SOX5: variants seen among roughly 807,000 people sequenced by gnomAD.
SOX5 encodes the protein SRY-box transcription factor 5, also known as transcription factor SOX-5.
Under a neutral mutation model 92.0 loss-of-function variants are expected in SOX5, and 9 were observed. That is an observed-to-expected ratio of 0.10 (90% CI 0.06 to 0.17). The LOEUF (loss-of-function observed/expected upper bound fraction) is 0.17. Ranked by LOEUF, SOX5 falls within the 10% of genes least tolerant of loss-of-function variation. The pLI is 1.00. For synonymous variants in SOX5, 344 were observed against 336.3 expected (o/e 1.02, Z -0.25); for missense variants, 642 against 944.5 (o/e 0.68, Z 4.20).
intron 3 of SOX5, among the ~76,000 whole-genome samples, chr12:23,843,519 T>G (rs1212372947): frequency 6.7e-6 from 1 of 149,198 alleles, no homozygotes; most frequent in Non-Finnish European, 1.5e-5. Flanking sequence ...TAGCAAATCA[T>G]GGCCATACTT....
chr12:24,228,260 A>G (rs1396247823), intron 3 of SOX5, among the ~76,000 whole-genome samples: 1 of 152,220 alleles, frequency 6.6e-6, no homozygotes, highest in Non-Finnish European at 1.5e-5. Flanking sequence ...CATACAGTAT[A>G]TGAATGTTTA....
chr12:24,527,230 C>T (rs1950794486), intron 1 of SOX5, among the ~76,000 whole-genome samples: 1 of 152,178 alleles, frequency 6.6e-6, no homozygotes, highest in Non-Finnish European at 1.5e-5. Context: ...ATTCACCAAC[C>T]CATGAGCTAG....
At position 23,949,517 on chromosome 12, in the gene SOX5, T is replaced by C. The variant is rs758066397; in HGVS notation, c.38+47A>G. On this transcript the variant is annotated intron_variant, in intron 1 of 14. Transcript: ENST00000451604. ...CAATGATTCAGAGACTACTGTAAAA[T>C]GGGAGAGTTGTACTTCAATATATTA... 2.7e-5 allele frequency: 43 copies of C among 1,609,856 alleles called. No homozygotes were observed. In the Middle Eastern group the frequency reaches 4.9e-3, roughly 185 times the overall value.
At chr12:23,614,392 A>C (rs1296979016) in intron 8 of SOX5, among the ~76,000 whole-genome samples, 2 of 152,062 alleles carry the variant, frequency 1.3e-5, no homozygotes, top group Non-Finnish European at 2.9e-5. Flanking sequence ...TGTTGTCCCC[A>C]CTACTGGGGC....
rs10556060 is a variant in SOX5 at position 24,254,718 on chromosome 12, A to AATATATATATAT, written c.-77+22486_-77+22497dup. Among the ~76,000 whole-genome samples, 310 of 146,680 alleles carry AATATATATATAT rather than the reference A, an allele frequency of 2.1e-3. 4 individuals carry two copies. The highest frequency in any genetic ancestry group is 7.7e-3 in the African/African-American group (302 of 39,244). Reference sequence around the variant, plus strand: ...TATTCTTTTTTCTTTGGGCTGCTCAAATATATATATATATATATATTTCCT... The same window carrying AATATATATATAT: ...TATTCTTTTTTCTTTGGGCTGCTCAAATATATATATATATATATATATATATATATATTTCCT... On this transcript the variant is annotated intron_variant, in intron 3 of 4. Coordinates refer to the SOX5 transcript ENST00000446891.
At chr12:24,521,653 A>G (rs1195154902) in intron 1 of SOX5, among the ~76,000 whole-genome samples, 1 of 152,222 alleles carries the variant, frequency 6.6e-6, no homozygotes, top group African/African-American at 2.4e-5. Context: ...AATAACAGCA[A>G]GAAAATGAGA....
intron 2 of SOX5, among the ~76,000 whole-genome samples, chr12:23,873,589 A>G (rs1413564458): frequency 1.3e-5 from 2 of 152,246 alleles, no homozygotes; most frequent in African/African-American, 2.4e-5. Flanking sequence ...TTCAGTGCCA[A>G]GTATATCATT....
intron 4 of SOX5, among the ~76,000 whole-genome samples, chr12:24,052,654 T>C (rs992008181): frequency 2.6e-5 from 4 of 152,236 alleles, no homozygotes; most frequent in African/African-American, 7.2e-5. Context: ...TTGAGTGTAA[T>C]AGAATTCAGC....
At chr12:24,037,180 C>T (rs1473604661) in intron 4 of SOX5, among the ~76,000 whole-genome samples, 3 of 152,024 alleles carry the variant, frequency 2.0e-5, no homozygotes, top group Admixed American at 1.3e-4. Flanking sequence ...TTGAACTCTC[C>T]CTGACCTTTG....
chr12:23,989,699 C>T (rs1270030893), intron 4 of SOX5, among the ~76,000 whole-genome samples: 1 of 152,106 alleles, frequency 6.6e-6, no homozygotes, highest in Non-Finnish European at 1.5e-5. Flanking sequence ...TTGCTTCTTA[C>T]ACTTGTTCTC....
chr12:24,185,199 C>T (rs1458767916), intron 4 of SOX5, among the ~76,000 whole-genome samples: 1 of 152,114 alleles, frequency 6.6e-6, no homozygotes, highest in East Asian at 1.9e-4. Context: ...CTTCTGTATG[C>T]TTACAGAGGG....
intron 3 of SOX5, among the ~76,000 whole-genome samples, chr12:23,799,349 G>T (rs957488487): frequency 6.6e-6 from 1 of 152,062 alleles, no homozygotes; most frequent in Non-Finnish European, 1.5e-5. Flanking sequence ...ATGATGTGAT[G>T]TGAATTATCT....
intron 1 of SOX5, among the ~76,000 whole-genome samples, chr12:24,538,485 G>A (rs1009049217): frequency 4.6e-5 from 7 of 152,000 alleles, no homozygotes; most frequent in African/African-American, 1.7e-4. Flanking sequence ...CAAGTCTACA[G>A]CTATGTTCGC....
At chr12:24,517,401 G>A (rs931968457) in intron 1 of SOX5, among the ~76,000 whole-genome samples, 1 of 152,146 alleles carries the variant, frequency 6.6e-6, no homozygotes, top group Non-Finnish European at 1.5e-5. Flanking sequence ...AAAAGCACGG[G>A]AAACACAGTG....
chr12:24,369,513 C>T (rs1014892296), intron 1 of SOX5, among the ~76,000 whole-genome samples: 2 of 152,140 alleles, frequency 1.3e-5, no homozygotes, highest in African/African-American at 2.4e-5. Context: ...TGTCACACAT[C>T]GATGCCTGGA....
chr12:24,237,786 T>A (rs572776500), intron 3 of SOX5: 1 of 152,344 alleles, frequency 6.6e-6, no homozygotes, highest in East Asian at 1.9e-4. Context: ...AATTATGGAT[T>A]AACTTTGCCT....
chr12:24,161,071 A>T (rs1452853469), intron 4 of SOX5, among the ~76,000 whole-genome samples: 2 of 152,090 alleles, frequency 1.3e-5, no homozygotes, highest in African/African-American at 4.8e-5. Context: ...TTCCACTGTG[A>T]AGTGGTGGGC....
At position 23,826,027 on chromosome 12, in the gene SOX5, C is replaced by CT. The variant is rs78309862; in HGVS notation, c.481+19955dup. Among the ~76,000 whole-genome samples the CT allele has an allele frequency of 4.3e-4, 65 of 151,454 alleles. 1 individual carries two copies. Among genetic ancestry groups the CT allele is most frequent in the Admixed American group, 1.1e-3 (16 of 15,188 alleles). Reference sequence around the variant, plus strand: ...TCTTGAGTTACACTGTTTCATTTCTCTTTTTTTTTATTATACTCTAAGTTT... The same window carrying CT: ...TCTTGAGTTACACTGTTTCATTTCTCTTTTTTTTTTATTATACTCTAAGTTT... On this transcript the variant is annotated intron_variant, in intron 3 of 14. Coordinates refer to ENST00000451604, the MANE Select transcript of SOX5 (RefSeq NM_006940.6).
At chr12:24,301,278 A>G (rs1261842996) in intron 2 of SOX5, among the ~76,000 whole-genome samples, 1 of 152,222 alleles carries the variant, frequency 6.6e-6, no homozygotes, top group Non-Finnish European at 1.5e-5. Context: ...CTGAAATGCC[A>G]TGACAGCCGT....
Sources: gnomAD v4.1 joint callset for allele counts (sites outside exome capture counted in the v4.1 genomes callset) on GRCh38, gnomAD v4.1.1 for gene constraint, MANE v1.5 for transcripts, NCBI Gene and HGNC (gene_info 2026-07-23, HGNC 2026-07-21) for gene names.